P3H2: variants seen among roughly 807,000 people sequenced by gnomAD.
The protein encoded by P3H2 is prolyl 3-hydroxylase 2, also known as leprecan-like 1.
Under a neutral mutation model 87.0 loss-of-function variants are expected in P3H2, and 80 were observed. The ratio of observed to expected loss-of-function variants is 0.92; its 90% CI spans 0.77 to 1.11. The LOEUF (loss-of-function observed/expected upper bound fraction) is 1.11, where lower values mean the gene tolerates loss of function less well. Ranked by LOEUF, P3H2 falls within the 50% of genes least tolerant of loss-of-function variation. P3H2 has a pLI of 0.00. For synonymous variants in P3H2, 367 were observed against 359.3 expected (o/e 1.02, Z -0.24); for missense variants, 1,001 against 923.9 (o/e 1.08, Z -1.08).
intron 1 of P3H2, among the ~76,000 whole-genome samples, chr3:190,077,838 T>C (rs1726919893): frequency 6.6e-6 from 1 of 152,218 alleles, no homozygotes; most frequent in African/African-American, 2.4e-5. Flanking sequence ...CTTATCAAGA[T>C]ATGAATGGAA....
At chr3:190,079,663 A>G (rs1726983478) in intron 1 of P3H2, among the ~76,000 whole-genome samples, 1 of 152,148 alleles carries the variant, frequency 6.6e-6, no homozygotes, top group East Asian at 1.9e-4. Flanking sequence ...TCAACAGAGT[A>G]CCTAACACCA....
At chr3:190,080,928 A>C (rs1727022934) in intron 1 of P3H2, among the ~76,000 whole-genome samples, 1 of 152,214 alleles carries the variant, frequency 6.6e-6, no homozygotes. Context: ...TCTTTCTGTC[A>C]CAGACAATAA....
In P3H2 at chr3:190,022,962, G is replaced by A. The variant is rs529911580; in HGVS notation, c.481-27520C>T. Among the ~76,000 whole-genome samples, 305 of 152,160 alleles carry A rather than the reference G, an allele frequency of 2.0e-3. 1 individual carries two copies. The highest frequency in any genetic ancestry group is 7.1e-3 in the African/African-American group (294 of 41,510). ...CTGCTTCAGCCTCCCGAGTAGCTGGGACTACAGGCACCCACCACCACGCCT... is the reference window on the plus strand; with the variant it reads ...CTGCTTCAGCCTCCCGAGTAGCTGGAACTACAGGCACCCACCACCACGCCT... On this transcript the variant is annotated intron_variant, in intron 1 of 14. Coordinates refer to ENST00000319332, the MANE Select transcript of P3H2 (RefSeq NM_018192.4).
intron 3 of P3H2, among the ~76,000 whole-genome samples, chr3:189,989,326 CA>C (rs1180080156): frequency 6.6e-6 from 1 of 152,166 alleles, no homozygotes; most frequent in African/African-American, 2.4e-5. Flanking sequence ...TTATACCCCA[CA>C]GTCCACTTTA....
intron 1 of P3H2, among the ~76,000 whole-genome samples, chr3:190,040,447 A>G (rs1480785237): frequency 1.3e-5 from 2 of 152,210 alleles, no homozygotes; most frequent in African/African-American, 4.8e-5. Context: ...CATCAGAGTC[A>G]AGACACGAGA....
intron 12 of P3H2, among the ~76,000 whole-genome samples, chr3:189,971,340 T>C (rs1285892760): frequency 1.3e-5 from 2 of 152,162 alleles, no homozygotes; most frequent in Non-Finnish European, 2.9e-5. Context: ...AGATAGCGGG[T>C]GCTTAATAAA....
chr3:189,990,070 TCA>T lies in P3H2; in HGVS notation c.824-1034_824-1033del, dbSNP rs1461107495. Among the ~76,000 whole-genome samples the T allele has an allele frequency of 4.0e-5, 6 of 151,814 alleles. No homozygotes were observed. The East Asian group carries it at 9.8e-4, about 25-fold the overall frequency. Reference sequence around the variant, plus strand: ...TTAATTTACCACAACTGCCTTTTTTTCAAAAGGTTCTCTGTTTAGTCTGAGTT... The same window carrying T: ...TTAATTTACCACAACTGCCTTTTTTTAAAGGTTCTCTGTTTAGTCTGAGTT... On this transcript the variant is annotated intron_variant, in intron 3 of 14. Coordinates refer to ENST00000319332, the MANE Select transcript of P3H2 (RefSeq NM_018192.4).
intron 1 of P3H2, among the ~76,000 whole-genome samples, chr3:190,009,669 A>G (rs1724528341): frequency 1.3e-5 from 2 of 152,234 alleles, no homozygotes. Context: ...TAGCCAAGTC[A>G]TTAAAATGAA....
At chr3:190,040,372 A>T (rs1234680132) in intron 1 of P3H2, among the ~76,000 whole-genome samples, 2 of 152,196 alleles carry the variant, frequency 1.3e-5, no homozygotes, top group Non-Finnish European at 2.9e-5. Flanking sequence ...CTTGTAAGGG[A>T]GAATGCCAAC....
At chr3:190,035,162 T>G (rs1314139605) in intron 1 of P3H2, among the ~76,000 whole-genome samples, 1 of 152,092 alleles carries the variant, frequency 6.6e-6, no homozygotes, top group African/African-American at 2.4e-5. Context: ...AATGGCTATT[T>G]TTTTCTTTTC....
intron 13 of P3H2, among the ~76,000 whole-genome samples, chr3:189,964,437 C>T (rs1393003184): frequency 6.6e-6 from 1 of 152,198 alleles, no homozygotes; most frequent in East Asian, 1.9e-4. Context: ...GTAGCTTTTG[C>T]ACTAGCAAAG....
intron 1 of P3H2, among the ~76,000 whole-genome samples, chr3:190,062,078 A>T (rs1166192845): frequency 6.6e-6 from 1 of 152,148 alleles, no homozygotes; most frequent in African/African-American, 2.4e-5. Context: ...TTCAACAGGC[A>T]AAATCAAAGA....
intron 1 of P3H2, among the ~76,000 whole-genome samples, chr3:189,996,846 G>C (rs1724065918): frequency 6.6e-6 from 1 of 152,068 alleles, no homozygotes; most frequent in African/African-American, 2.4e-5. Context: ...TTACCACACA[G>C]CTTTGAGATA....
At chr3:190,008,787 G>A (rs1724473947) in intron 1 of P3H2, among the ~76,000 whole-genome samples, 1 of 152,172 alleles carries the variant, frequency 6.6e-6, no homozygotes, top group African/African-American at 2.4e-5. Flanking sequence ...CATTTAATGA[G>A]GGGCCTGTAC....
intron 1 of P3H2, among the ~76,000 whole-genome samples, chr3:190,035,581 T>A (rs1326987956): frequency 6.6e-6 from 1 of 152,202 alleles, no homozygotes; most frequent in Admixed American, 6.5e-5. Context: ...CTATGATGTA[T>A]ATAGCAATTT....
At chr3:190,085,614 C>T (rs1256903596) in intron 1 of P3H2, among the ~76,000 whole-genome samples, 6 of 152,116 alleles carry the variant, frequency 3.9e-5, no homozygotes, top group African/African-American at 7.2e-5. Flanking sequence ...CCTTTTGTAG[C>T]TTATTTTTCA....
At chr3:190,092,364 G>A (rs1354803312) in intron 1 of P3H2, among the ~76,000 whole-genome samples, 1 of 152,188 alleles carries the variant, frequency 6.6e-6, no homozygotes, top group African/African-American at 2.4e-5. Flanking sequence ...CCAATGCCAT[G>A]AGTCACTTCC....
At chr3:190,018,140 C>T (rs920116258) in intron 1 of P3H2, among the ~76,000 whole-genome samples, 1 of 152,164 alleles carries the variant, frequency 6.6e-6, no homozygotes, top group African/African-American at 2.4e-5. Flanking sequence ...TTCTACTTGG[C>T]AAAGATTGCT....
At chr3:189,964,567 C>T (rs578239813) in intron 13 of P3H2, among the ~76,000 whole-genome samples, 1 of 152,162 alleles carries the variant, frequency 6.6e-6, no homozygotes, top group African/African-American at 2.4e-5. Flanking sequence ...TGAGCGTATA[C>T]GCTTTCTAAT....
Sources: gnomAD v4.1 joint callset for allele counts (sites outside exome capture counted in the v4.1 genomes callset) on GRCh38, gnomAD v4.1.1 for gene constraint, MANE v1.5 for transcripts, NCBI Gene and HGNC (gene_info 2026-07-23, HGNC 2026-07-21) for gene names.